HERC6: variants seen among roughly 807,000 people sequenced by gnomAD.
HERC6 encodes HECT and RLD domain containing E3 ubiquitin protein ligase family member 6, also known as probable E3 ubiquitin-protein ligase HERC6.
A neutral mutation model predicts 114.5 loss-of-function variants in HERC6; 101 were observed. The ratio of observed to expected loss-of-function variants is 0.88; its 90% CI spans 0.75 to 1.04. The LOEUF (loss-of-function observed/expected upper bound fraction) is 1.04. HERC6 is among the 50% of genes least tolerant of loss of function. HERC6 has a pLI of 0.00. For missense variants in HERC6, 1,133 were observed against 1,230.9 expected (o/e 0.92, Z 1.19); for synonymous variants, 408 against 436.2 (o/e 0.94, Z 0.81).
In HERC6 at chr4:88,379,058, C is replaced by A. The variant is rs765131578; in HGVS notation, c.137C>A (p.Ser46Ter). ...CTGCTGACCAACCACAGGGTCCTCTCGTGCGGAGACAACAGCAGGGGTCAG... is the reference window on the plus strand; with the variant it reads ...CTGCTGACCAACCACAGGGTCCTCTAGTGCGGAGACAACAGCAGGGGTCAG... The part of the protein sequence containing the change: ...LLLLTNHRVL[S>*]CGDNSRGQLG... Residue 46 changes from serine to a stop codon, truncating the protein, a stop_gained, in exon 1 of 23, where the codon TCG becomes TAG. Transcript: ENST00000264346. LOFTEE classifies it high-confidence loss of function. 6.4e-7 allele frequency: 1 copy of A among 1,556,064 alleles called. No homozygotes were observed. The highest frequency in any genetic ancestry group is 8.7e-7 in the Non-Finnish European group (1 of 1,151,376).
chr4:88,392,742 A>C (rs1734985402), intron 4 of HERC6, among the ~76,000 whole-genome samples: 1 of 152,148 alleles, frequency 6.6e-6, no homozygotes. Flanking sequence ...TTCCAGTAGC[A>C]GTGTTTCCTA....
chr4:88,437,475 G>A (rs1156991589), intron 19 of HERC6, among the ~76,000 whole-genome samples: 2 of 152,082 alleles, frequency 1.3e-5, no homozygotes, highest in South Asian at 4.2e-4. Flanking sequence ...TTCAACTAGT[G>A]TAAATAATTT....
In HERC6 at chr4:88,413,185, G is replaced by A; in HGVS notation, c.1477G>A (p.Asp493Asn). The stretch of plus-strand genomic sequence containing the variant: ...GCTCCCAGAATGTCCTGTGATGCAT[G>A]ATTCTAAGAACTGGAAGAACCTGGT... ...LLLPECPVMH[D>N]SKNWKNLVVP... The change falls in exon 12 of 23, where the codon GAT (aspartate) becomes AAT (asparagine). Residue 493 changes from aspartate to asparagine, a missense_variant. Asp to Asn is a conservative substitution (Grantham distance 23). Transcript: ENST00000264346. 6.2e-7 allele frequency: 1 copy of A among 1,613,530 alleles called. No individual in the cohort carries two copies. Among genetic ancestry groups the A allele is most frequent in the Non-Finnish European group, 8.5e-7 (1 of 1,179,600 alleles).
chr4:88,395,971 C>G, intron 5 of HERC6, 44 bp from the exon 6 acceptor site: 1 of 1,528,246 alleles, frequency 6.5e-7, no homozygotes. Flanking sequence ...TTTTAGTTAC[C>G]TTGTTAAACC....
At chr4:88,418,214 C>G (rs748966736) in intron 13 of HERC6, among the ~76,000 whole-genome samples, 2 of 152,152 alleles carry the variant, frequency 1.3e-5, no homozygotes, top group Non-Finnish European at 2.9e-5. Context: ...CATGTCTTCA[C>G]CTGGACAGTA....
intron 22 of HERC6, among the ~76,000 whole-genome samples, chr4:88,441,678 TGGA>T (rs1327184652): frequency 6.6e-6 from 1 of 152,232 alleles, no homozygotes; most frequent in Non-Finnish European, 1.5e-5. Context: ...CTAAGGATGC[TGGA>T]GGACAATTCC....
rs552737802 is a variant in HERC6, at chr4:88,434,160, G to A, written c.2251-1565G>A. 1.9e-3 allele frequency among the ~76,000 whole-genome samples: 291 copies of A among 152,336 alleles called. 1 individual carries two copies. The highest frequency in any genetic ancestry group is 3.1e-3 in the Non-Finnish European group (214 of 68,028). ...TAGATTGCTGACTTAATATGTAATA[G>A]TTTTTGAGAAGCATGACAGGATGGG... On this transcript the variant is annotated intron_variant, in intron 17 of 22. Coordinates refer to ENST00000264346, the MANE Select transcript of HERC6 (RefSeq NM_017912.4).
chr4:88,379,822 A>G (rs1211983870), intron 1 of HERC6, among the ~76,000 whole-genome samples: 4 of 77,484 alleles, frequency 5.2e-5, no homozygotes, highest in East Asian at 3.6e-4. Context: ...TATATATATA[A>G]CATATAAATA....
chr4:88,400,320 GC>G (rs1281888249), intron 8 of HERC6, among the ~76,000 whole-genome samples: 2 of 152,158 alleles, frequency 1.3e-5, no homozygotes, highest in African/African-American at 2.4e-5. Context: ...TCTCGCCTCA[GC>G]CTCCCGAGTA....
At chr4:88,390,466 G>T (rs374624173) in intron 3 of HERC6, among the ~76,000 whole-genome samples, 186 bp from the exon 4 acceptor site, 3 of 152,238 alleles carry the variant, frequency 2.0e-5, no homozygotes, top group African/African-American at 7.2e-5. Context: ...TTAGCTGATT[G>T]CGACAATCAT....
intron 7 of HERC6, 119 bp downstream of exon 7, chr4:88,397,106 AT>A: frequency 1.3e-6 from 1 of 753,384 alleles, no homozygotes; most frequent in Non-Finnish European, 1.9e-6. Flanking sequence ...TTTTATTTTT[AT>A]TTTTATTTAT....
intron 7 of HERC6, among the ~76,000 whole-genome samples, chr4:88,397,238 G>A (rs1205164528): frequency 6.6e-6 from 1 of 151,498 alleles, no homozygotes; most frequent in African/African-American, 2.4e-5. Flanking sequence ...TCAGCCTCCT[G>A]AGTAGCTGGG....
chr4:88,437,079 CAG>C (rs1463677490), intron 19 of HERC6, 108 bp downstream of exon 19: 10 of 723,744 alleles, frequency 1.4e-5, no homozygotes, highest in Non-Finnish European at 1.7e-5. Flanking sequence ...TTTATTGAGG[CAG>C]AGTCTCACTC....
At chr4:88,419,139 A>G (rs1736788926) in intron 13 of HERC6, among the ~76,000 whole-genome samples, 1 of 152,230 alleles carries the variant, frequency 6.6e-6, no homozygotes, top group Admixed American at 6.5e-5. Context: ...GAAAGGGCCC[A>G]ATGGATACTG....
chr4:88,421,451 C>CTTTTCT (rs1560559075), intron 13 of HERC6, among the ~76,000 whole-genome samples: 1 of 133,910 alleles, frequency 7.5e-6, no homozygotes, highest in Admixed American at 7.3e-5. Context: ...CTTTTCTTTT[C>CTTTTCT]TTTTTTTTTT....
chr4:88,405,042 G>A (rs751732011), intron 9 of HERC6, 45 bp downstream of exon 9: 18 of 1,591,240 alleles, frequency 1.1e-5, no homozygotes, highest in Non-Finnish European at 1.5e-5. Context: ...TCTGGTTCTG[G>A]GGCTTTGGTC....
intron 11 of HERC6, among the ~76,000 whole-genome samples, chr4:88,412,642 A>G (rs1026396557): frequency 1.3e-5 from 2 of 152,128 alleles, no homozygotes; most frequent in South Asian, 4.1e-4. Context: ...ATTTAGAGCT[A>G]TTTTTCTCTG....
chr4:88,434,007 A>G (rs554416509), intron 17 of HERC6, among the ~76,000 whole-genome samples: 1 of 152,344 alleles, frequency 6.6e-6, no homozygotes, highest in South Asian at 2.1e-4. Flanking sequence ...AGGTTCCTAC[A>G]TTGTATTAAA....
intron 8 of HERC6, among the ~76,000 whole-genome samples, chr4:88,401,515 A>G (rs977411362): frequency 2.6e-5 from 4 of 151,958 alleles, no homozygotes; most frequent in African/African-American, 7.2e-5. Flanking sequence ...AAAGAAAAGA[A>G]AAAAGAGAAA....
Sources: gnomAD v4.1 joint callset for allele counts (sites outside exome capture counted in the v4.1 genomes callset) on GRCh38, gnomAD v4.1.1 for gene constraint, MANE v1.5 for transcripts, NCBI Gene and HGNC (gene_info 2026-07-23, HGNC 2026-07-21) for gene names.